The following CCDC7 variants were observed in gnomAD, a reference collection of about 807,000 sequenced individuals.
CCDC7 encodes coiled-coil domain containing 7.
A neutral mutation model predicts 196.9 loss-of-function variants in CCDC7; 183 were observed. That is an observed-to-expected ratio of 0.93 (90% CI 0.82 to 1.05). The LOEUF is 1.05. CCDC7 is among the 50% of genes least tolerant of loss of function. CCDC7 has a pLI of 0.00. For synonymous variants in CCDC7, 525 were observed against 484.6 expected (o/e 1.08, Z -1.10); for missense variants, 1,540 against 1,482.2 (o/e 1.04, Z -0.64).
At chr10:32,485,790 C>T (rs2040942722) in intron 8 of CCDC7, among the ~76,000 whole-genome samples, 1 of 152,086 alleles carries the variant, frequency 6.6e-6, no homozygotes, top group South Asian at 2.1e-4. Flanking sequence ...GTTCAGTTTC[C>T]ATGTAGTTGA....
intron 29 of CCDC7, among the ~76,000 whole-genome samples, chr10:32,798,066 G>C (rs1042983460): frequency 6.6e-6 from 1 of 152,174 alleles, no homozygotes; most frequent in Non-Finnish European, 1.5e-5. Flanking sequence ...CATGATGGTG[G>C]ATAAAGCATT....
rs538761531 is a variant in CCDC7 at position 32,864,153 on chromosome 10, A to G, written c.4111+9664A>G. On this transcript the variant is annotated intron_variant, in intron 41 of 41. Coordinates refer to ENST00000639629, the Ensembl canonical transcript of CCDC7. ...CTGAAGAAGACACAAAAATGGCATCAGTAATCCTTAGGGAAATGCAAATCA... is the reference window on the plus strand; with the variant it reads ...CTGAAGAAGACACAAAAATGGCATCGGTAATCCTTAGGGAAATGCAAATCA... 2.0e-5 allele frequency among the ~76,000 whole-genome samples: 3 copies of G among 152,064 alleles called. No individual in the cohort carries two copies. The East Asian group carries it at 5.8e-4, about 29-fold the overall frequency.
At chr10:32,804,496 C>T (rs1373933803) in intron 29 of CCDC7, among the ~76,000 whole-genome samples, 14 of 152,084 alleles carry the variant, frequency 9.2e-5, no homozygotes, top group African/African-American at 3.4e-4. Context: ...ACCTAAAAAT[C>T]ACATTAAAAT....
chr10:32,766,303 G>A lies in CCDC7; in HGVS notation c.2906-12674G>A, dbSNP rs184297849. On this transcript the variant is annotated intron_variant, in intron 28 of 41. Transcript: ENST00000639629. Reference sequence around the variant, plus strand: ...TGACTTCTCTGTATATTAAGGCAACGTATTCCTCATTTGGGCATGCTACTG... The same window carrying A: ...TGACTTCTCTGTATATTAAGGCAACATATTCCTCATTTGGGCATGCTACTG... Among the ~76,000 whole-genome samples, 17 of 151,958 alleles carry A rather than the reference G, an allele frequency of 1.1e-4. No individual in the cohort carries two copies. The East Asian group carries it at 2.1e-3, about 19-fold the overall frequency.
At chr10:32,796,173 G>A (rs913916650) in intron 29 of CCDC7, among the ~76,000 whole-genome samples, 1 of 151,816 alleles carries the variant, frequency 6.6e-6, no homozygotes, top group African/African-American at 2.4e-5. Flanking sequence ...AGTTTTTGTT[G>A]CTTCTCTGTG....
chr10:32,789,792 ATCTG>A (rs1194282186), intron 29 of CCDC7, among the ~76,000 whole-genome samples: 1 of 152,176 alleles, frequency 6.6e-6, no homozygotes, highest in African/African-American at 2.4e-5. Flanking sequence ...ATTTGATTCC[ATCTG>A]TCTTTCTTTT....
At chr10:32,542,197 A>C (rs1164894323) in intron 11 of CCDC7, among the ~76,000 whole-genome samples, 1 of 152,220 alleles carries the variant, frequency 6.6e-6, no homozygotes. Context: ...ACTACACAGC[A>C]GCTCAAGAAT....
At chr10:32,561,753 G>C (rs1257417859) in intron 13 of CCDC7, among the ~76,000 whole-genome samples, 8 of 152,124 alleles carry the variant, frequency 5.3e-5, no homozygotes, top group African/African-American at 1.7e-4. Flanking sequence ...AGAAAAGCAA[G>C]AGCAAACACA....
intron 27 of CCDC7, 91 bp from the exon 29 acceptor site, chr10:32,729,241 G>A: frequency 5.5e-6 from 7 of 1,279,734 alleles, no homozygotes; most frequent in Non-Finnish European, 7.6e-6. Context: ...CTATTCACAT[G>A]ATTTTCTCAT....
intron 8 of CCDC7, among the ~76,000 whole-genome samples, chr10:32,483,200 GTGAGA>G: frequency 6.6e-6 from 1 of 152,310 alleles, no homozygotes; most frequent in Admixed American, 6.5e-5. Flanking sequence ...TCTAACTGAT[GTGAGA>G]TGGTATGTCA....
At chr10:32,849,701 C>CAAAAAAAAAAAAAAA (rs34677799) in intron 39 of CCDC7, among the ~76,000 whole-genome samples, 1 of 80,822 alleles carries the variant, frequency 1.2e-5, no homozygotes, top group Non-Finnish European at 2.3e-5. Context: ...GACTCCGTCT[C>CAAAAAAAAAAAAAAA]AAAAAAAAAA....
intron 41 of CCDC7, among the ~76,000 whole-genome samples, chr10:32,855,804 A>T (rs1490617420): frequency 6.6e-6 from 1 of 152,220 alleles, no homozygotes; most frequent in African/African-American, 2.4e-5. Context: ...AAATTGAAAG[A>T]CTTACACTTC....
intron 3 of CCDC7, among the ~76,000 whole-genome samples, 198 bp from the exon 5 acceptor site, chr10:32,462,485 A>G (rs1344450832): frequency 6.6e-6 from 1 of 152,176 alleles, no homozygotes; most frequent in African/African-American, 2.4e-5. Flanking sequence ...TCTAGAAAGA[A>G]GTTGTCTATG....
chr10:32,809,044 C>T (rs2086485198), intron 30 of CCDC7, among the ~76,000 whole-genome samples: 2 of 152,072 alleles, frequency 1.3e-5, no homozygotes, highest in Non-Finnish European at 2.9e-5. Flanking sequence ...TGAAAAGTGC[C>T]CTATCCAACC....
intron 13 of CCDC7, among the ~76,000 whole-genome samples, chr10:32,548,491 C>T (rs534273290): frequency 8.6e-5 from 13 of 152,012 alleles, no homozygotes; most frequent in African/African-American, 2.7e-4. Context: ...AAACTAGGGG[C>T]GAGGAGAATG....
intron 33 of CCDC7, among the ~76,000 whole-genome samples, chr10:32,835,826 A>G (rs375006257): frequency 6.6e-6 from 1 of 152,122 alleles, no homozygotes; most frequent in East Asian, 1.9e-4. Flanking sequence ...TGTACCCCGA[A>G]CTTAAAATAA....
At chr10:32,726,810 T>C (rs142776201) in exon 26 of CCDC7, 10 of 1,593,324 alleles carry the variant, frequency 6.3e-6, no homozygotes, top group Non-Finnish European at 8.6e-6. Context: ...AAAAAATAAC[T>C]CCTGGAAGGG....
At chr10:32,618,559 T>G (rs760067523) in intron 18 of CCDC7, among the ~76,000 whole-genome samples, 1 of 152,074 alleles carries the variant, frequency 6.6e-6, no homozygotes, top group Non-Finnish European at 1.5e-5. Flanking sequence ...TTATGAAGCT[T>G]CTTCTGGCAG....
intron 28 of CCDC7, among the ~76,000 whole-genome samples, chr10:32,732,496 T>G (rs1417899898): frequency 6.6e-6 from 1 of 152,184 alleles, no homozygotes; most frequent in Non-Finnish European, 1.5e-5. Context: ...TTTTATCATT[T>G]ATGAGAAAGG....
Sources: allele counts gnomAD v4.1 joint callset (sites outside exome capture counted in the v4.1 genomes callset), GRCh38; gene constraint gnomAD v4.1.1; transcripts MANE v1.5; gene names NCBI Gene and HGNC (gene_info 2026-07-23, HGNC 2026-07-21).